Variants in PTK2 observed in about 807,000 individuals in gnomAD.
PTK2 encodes the protein focal adhesion kinase 1.
In PTK2, 45 loss-of-function variants were observed where a neutral mutation model predicts 150.1. The ratio of observed to expected loss-of-function variants is 0.30; its 90% CI spans 0.24 to 0.38. The LOEUF is 0.38. Among genes scored for constraint, PTK2 ranks in the 10% least tolerant of loss-of-function variants. The pLI is 1.00. For synonymous variants in PTK2, 432 were observed against 449.2 expected (o/e 0.96, Z 0.48); for missense variants, 919 against 1,307.3 (o/e 0.70, Z 4.58).
chr8:140,668,459 C>G, intron 29 of PTK2, 35 bp from the exon 34 acceptor site: 2 of 1,579,806 alleles, frequency 1.3e-6, no homozygotes, highest in Non-Finnish European at 8.6e-7. Flanking sequence ...TTTCTGCTCT[C>G]CAGCAGATGG....
At chr8:140,847,720 G>C (rs543950932) in intron 5 of PTK2, among the ~76,000 whole-genome samples, 173 of 152,112 alleles carry the variant, frequency 1.1e-3, no homozygotes, top group African/African-American at 4.0e-3. Flanking sequence ...ATTTTGCCTC[G>C]TTCCTGAAAG....
intron 1 of PTK2, among the ~76,000 whole-genome samples, chr8:140,973,008 C>T (rs1357371200): frequency 1.3e-5 from 2 of 152,218 alleles, no homozygotes; most frequent in Non-Finnish European, 2.9e-5. Flanking sequence ...GTATGACACA[C>T]TTCTGGAGAC....
At chr8:140,664,394 T>C (rs539877552) in intron 31 of PTK2, among the ~76,000 whole-genome samples, 1 of 152,292 alleles carries the variant, frequency 6.6e-6, no homozygotes, top group East Asian at 1.9e-4. Flanking sequence ...GGCCTCCCAA[T>C]GTGTTGGGAT....
chr8:140,890,412 A>C, intron 3 of PTK2, 131 bp downstream of exon 3: 1 of 703,950 alleles, frequency 1.4e-6, no homozygotes, highest in Non-Finnish European at 2.3e-6. Context: ...TATAATTAAA[A>C]ATAGCATTTC....
At chr8:140,895,451 G>A (rs1264874094) in intron 2 of PTK2, among the ~76,000 whole-genome samples, 1 of 151,848 alleles carries the variant, frequency 6.6e-6, no homozygotes, top group East Asian at 1.9e-4. Flanking sequence ...AAGCCCCAGA[G>A]CTCAAGGCTG....
At chr8:140,899,914 TA>T (rs1568455321) in intron 2 of PTK2, among the ~76,000 whole-genome samples, 2 of 152,128 alleles carry the variant, frequency 1.3e-5, no homozygotes, top group African/African-American at 4.8e-5. Context: ...CTCTTCATGA[TA>T]AAAATTCCCA....
chr8:140,844,969 A>T (rs1269999626), intron 7 of PTK2, among the ~76,000 whole-genome samples: 1 of 152,106 alleles, frequency 6.6e-6, no homozygotes, highest in Non-Finnish European at 1.5e-5. Context: ...GAAAACCAAG[A>T]GACTCCTTGG....
intron 29 of PTK2, among the ~76,000 whole-genome samples, chr8:140,670,488 A>AAC (rs57247522): frequency 0.093 from 3,611 of 38,896 alleles, 304 homozygotes; most frequent in East Asian, 0.12. Flanking sequence ...AAAAAACAAC[A>AAC]ACACACACAC....
At chr8:140,830,216 C>A (rs575333025) in intron 8 of PTK2, among the ~76,000 whole-genome samples, 4 of 152,228 alleles carry the variant, frequency 2.6e-5, no homozygotes, top group Admixed American at 6.5e-5. Flanking sequence ...AATAACTGTG[C>A]ACATAACTTT....
chr8:140,995,484 G>A (rs2100197324), intron 1 of PTK2, among the ~76,000 whole-genome samples: 1 of 151,838 alleles, frequency 6.6e-6, no homozygotes, highest in African/African-American at 2.4e-5. Context: ...AGCTAGAAAT[G>A]ATTACGCTTA....
intron 27 of PTK2, among the ~76,000 whole-genome samples, chr8:140,678,393 C>A (rs1402494893): frequency 6.6e-6 from 1 of 151,938 alleles, no homozygotes; most frequent in Non-Finnish European, 1.5e-5. Context: ...GTCACCTGGG[C>A]TGCAGTGCTG....
intron 14 of PTK2, among the ~76,000 whole-genome samples, chr8:140,786,487 G>C (rs1311447130): frequency 6.6e-6 from 1 of 152,148 alleles, no homozygotes; most frequent in African/African-American, 2.4e-5. Context: ...CCAGCTCTGG[G>C]GCTAAGTGCA....
At chr8:140,968,714 TTC>T (rs1389300405) in intron 1 of PTK2, among the ~76,000 whole-genome samples, 2 of 152,218 alleles carry the variant, frequency 1.3e-5, no homozygotes, top group African/African-American at 4.8e-5. Context: ...AGTCAATACA[TTC>T]AACACAAGAC....
chr8:140,983,608 T>C (rs1219287726), intron 1 of PTK2, among the ~76,000 whole-genome samples: 1 of 151,808 alleles, frequency 6.6e-6, no homozygotes, highest in Non-Finnish European at 1.5e-5. Flanking sequence ...GGATGGTGTA[T>C]TCCTCCAGTA....
At chr8:140,864,812 C>T (rs1297751577) in intron 4 of PTK2, among the ~76,000 whole-genome samples, 9 of 152,342 alleles carry the variant, frequency 5.9e-5, no homozygotes, top group African/African-American at 1.9e-4. Flanking sequence ...AACAAACCAA[C>T]ATCACCAGAA....
At chr8:140,738,449 C>A (rs2100053803) in intron 21 of PTK2, among the ~76,000 whole-genome samples, 2 of 152,114 alleles carry the variant, frequency 1.3e-5, no homozygotes, top group African/African-American at 4.8e-5. Context: ...CTAGAAGGAA[C>A]TGCAATAACC....
At chr8:140,992,782 T>C (rs1204789123) in intron 1 of PTK2, among the ~76,000 whole-genome samples, 1 of 152,200 alleles carries the variant, frequency 6.6e-6, no homozygotes, top group Non-Finnish European at 1.5e-5. Flanking sequence ...TGAATGTATT[T>C]TGAACTGTCA....
At chr8:140,895,374 C>T (rs1322066644) in intron 2 of PTK2, among the ~76,000 whole-genome samples, 6 of 151,886 alleles carry the variant, frequency 4.0e-5, no homozygotes, top group African/African-American at 1.5e-4. Context: ...TTAAAAAAAT[C>T]AGCTGGGCAT....
In PTK2 at chr8:140,733,345, TAGAC is replaced by T. The variant is rs2100050656; in HGVS notation, c.2030+1902_2030+1905del. On this transcript the variant is annotated intron_variant, in intron 22 of 31. Coordinates refer to ENST00000522684, the Ensembl canonical transcript of PTK2. Reference sequence around the variant, plus strand: ...TGAGAAAAGGGCAGGACCAGAACTATAGACAGACAGAGGTAAGCAGCAAAGCCAT... The same window carrying T: ...TGAGAAAAGGGCAGGACCAGAACTATAGACAGAGGTAAGCAGCAAAGCCAT... Among the ~76,000 whole-genome samples, 6 of 152,118 alleles carry T rather than the reference TAGAC, an allele frequency of 3.9e-5. No individual in the cohort carries two copies. The South Asian group carries it at 1.0e-3, about 26-fold the overall frequency.
Sources: allele counts gnomAD v4.1 joint callset (sites outside exome capture counted in the v4.1 genomes callset), GRCh38; gene constraint gnomAD v4.1.1; transcripts MANE v1.5; gene names NCBI Gene and HGNC (gene_info 2026-07-23, HGNC 2026-07-21).